The following PRSS12 variants were observed in gnomAD, a reference collection of about 807,000 sequenced individuals.
The protein encoded by PRSS12 is serine protease 12.
In PRSS12, 85 loss-of-function variants were observed where a neutral mutation model predicts 104.4. The ratio of observed to expected loss-of-function variants is 0.81; its 90% CI spans 0.68 to 0.98. The LOEUF (loss-of-function observed/expected upper bound fraction) is 0.98, where lower values mean the gene tolerates loss of function less well. Among genes scored for constraint, PRSS12 ranks in the 50% least tolerant of loss-of-function variants. PRSS12 has a pLI of 0.00. For synonymous variants in PRSS12, 454 were observed against 425.2 expected, an observed-to-expected ratio of 1.07 and a Z score of -0.83; for missense variants, 1,141 against 1,139.2, an observed-to-expected ratio of 1.00 and a Z score of -0.02.
At position 118,352,193 on chromosome 4, in the gene PRSS12, TCCGCGGCCGCC is replaced by T; in HGVS notation, c.502+15_502+25del. 1 of 1,610,042 alleles carries T rather than the reference TCCGCGGCCGCC, an allele frequency of 6.2e-7. No homozygotes were observed. On this transcript the variant is annotated intron_variant, in intron 1 of 12. Transcript: ENST00000296498. ...ACTGGCTCCGAGCCCGTCCGGAGTT[TCCGCGGCCGCC>T]CCGAGGCCACTAACCGTGTCTGCAG... is the stretch of plus-strand genomic sequence containing the variant.
chr4:118,352,130 A>C lies in PRSS12; in HGVS notation c.502+89T>G. 1.9e-6 allele frequency: 3 copies of C among 1,554,032 alleles called. No homozygotes were observed. The East Asian group carries it at 7.0e-5, about 36-fold the overall frequency. ...AGCCCACAACCCCACACACCCCGTCACTTTTTCCAAGAGACCTGTACGCCG... is the reference window on the plus strand; with the variant it reads ...AGCCCACAACCCCACACACCCCGTCCCTTTTTCCAAGAGACCTGTACGCCG... On this transcript the variant is annotated intron_variant, in intron 1 of 12. Coordinates refer to ENST00000296498, the MANE Select transcript of PRSS12 (RefSeq NM_003619.4).
At chr4:118,286,820 C>T (rs1392928278) in intron 11 of PRSS12, among the ~76,000 whole-genome samples, 2 of 152,134 alleles carry the variant, frequency 1.3e-5, no homozygotes, top group Non-Finnish European at 2.9e-5. Context: ...CACCGTCAGA[C>T]TTGGGAACCA....
At chr4:118,288,042 G>A (rs1158016750) in intron 11 of PRSS12, among the ~76,000 whole-genome samples, 1 of 152,118 alleles carries the variant, frequency 6.6e-6, no homozygotes, top group East Asian at 1.9e-4. Context: ...CAAATTACTA[G>A]AATTAAAAGT....
At chr4:118,305,223 A>T (rs1393924152) in intron 8 of PRSS12, among the ~76,000 whole-genome samples, 1 of 151,650 alleles carries the variant, frequency 6.6e-6, no homozygotes, top group Non-Finnish European at 1.5e-5. Flanking sequence ...ATATTCAAGT[A>T]TATTTAATCA....
intron 1 of PRSS12, among the ~76,000 whole-genome samples, chr4:118,344,525 G>C (rs1331436812): frequency 6.6e-6 from 1 of 152,082 alleles, no homozygotes; most frequent in Non-Finnish European, 1.5e-5. Flanking sequence ...AGGTCAAAAT[G>C]AATCAAATCA....
chr4:118,318,368 A>C lies in PRSS12; in HGVS notation c.1150+10T>G. 6.2e-7 allele frequency: 1 copy of C among 1,613,690 alleles called. No individual in the cohort carries two copies. ...CAAGAACTGGTACACTAATGGAGTG[A>C]AATCCTTACCTGTTAGAGGGGTACA... On this transcript the variant is annotated intron_variant, in intron 5 of 12. Coordinates refer to ENST00000296498, the MANE Select transcript of PRSS12 (RefSeq NM_003619.4).
chr4:118,348,001 G>A (rs999416867), intron 1 of PRSS12, among the ~76,000 whole-genome samples: 5 of 152,120 alleles, frequency 3.3e-5, no homozygotes, highest in Non-Finnish European at 7.4e-5. Flanking sequence ...AGGCCAAGGC[G>A]GGAGAATCAC....
chr4:118,321,155 T>C (rs982558714), intron 4 of PRSS12, among the ~76,000 whole-genome samples: 13 of 152,194 alleles, frequency 8.5e-5, no homozygotes, highest in Non-Finnish European at 1.5e-4. Flanking sequence ...ACAAATGATA[T>C]TGTCAAAATG....
intron 11 of PRSS12, among the ~76,000 whole-genome samples, chr4:118,288,269 C>T (rs1441975802): frequency 6.6e-6 from 1 of 152,146 alleles, no homozygotes; most frequent in East Asian, 1.9e-4. Flanking sequence ...TAGAATCTTG[C>T]GTTAGCCCTT....
At chr4:118,295,296 CCTAT>C (rs1267596707) in intron 10 of PRSS12, among the ~76,000 whole-genome samples, 1 of 152,156 alleles carries the variant, frequency 6.6e-6, no homozygotes, top group Non-Finnish European at 1.5e-5. Flanking sequence ...ATAGATCCCA[CCTAT>C]CTGACACTCT....
chr4:118,314,767 G>A (rs1023131136), intron 6 of PRSS12, among the ~76,000 whole-genome samples: 1 of 151,518 alleles, frequency 6.6e-6, no homozygotes, highest in Admixed American at 6.6e-5. Flanking sequence ...ATAGATTTGT[G>A]AAACAAAATA....
chr4:118,282,179 T>C lies in PRSS12; in HGVS notation c.2385A>G (p.Glu795=). 1.9e-6 allele frequency: 3 copies of C among 1,614,212 alleles called. No homozygotes were observed. Among genetic ancestry groups the C allele is most frequent in the Non-Finnish European group, 2.5e-6 (3 of 1,180,042 alleles). Residue 795 remains glutamate, a synonymous_variant, in exon 13 of 13, where the codon GAA becomes GAG. Coordinates refer to ENST00000296498, the MANE Select transcript of PRSS12 (RefSeq NM_003619.4). The part of the protein sequence containing the change: ...AIPLLPKRFC[E]ERYKGRFTGR... Reference sequence around the variant, plus strand: ...CTGTAAACCGACCCTTATAACGTTCTTCACAAAACCTTTTAGGAAGTAAGG... The same window carrying C: ...CTGTAAACCGACCCTTATAACGTTCCTCACAAAACCTTTTAGGAAGTAAGG...
At chr4:118,298,979 G>A (rs1174392014) in intron 8 of PRSS12, 41 bp from the exon 9 acceptor site, 1 of 1,590,966 alleles carries the variant, frequency 6.3e-7, no homozygotes, top group Admixed American at 1.7e-5. Flanking sequence ...GAATCAGTCA[G>A]TCATATATCT....
chr4:118,307,166 T>C (rs924858714), intron 8 of PRSS12, among the ~76,000 whole-genome samples: 5 of 152,140 alleles, frequency 3.3e-5, no homozygotes, highest in African/African-American at 1.2e-4. Context: ...TAATGTAGAC[T>C]CTCCCTACTT....
chr4:118,317,854 C>A (rs1044903774), intron 5 of PRSS12, among the ~76,000 whole-genome samples: 1 of 152,190 alleles, frequency 6.6e-6, no homozygotes, highest in Non-Finnish European at 1.5e-5. Context: ...AGTACATACA[C>A]GCACACCAGT....
intron 3 of PRSS12, 68 bp from the exon 4 acceptor site, chr4:118,331,934 T>G: frequency 6.3e-7 from 1 of 1,593,090 alleles, no homozygotes; most frequent in South Asian, 1.1e-5. Flanking sequence ...ATTAGGTATA[T>G]TCTATATTTT....
At chr4:118,294,899 T>C (rs3828500) in intron 11 of PRSS12, 40 bp downstream of exon 11, 480,573 of 1,611,324 alleles carry the variant, frequency 0.3, 74,518 homozygotes, top group East Asian at 0.57. Flanking sequence ...AACTGATGAA[T>C]AGAAGCTACA....
At chr4:118,317,165 A>G (rs1391440315) in intron 5 of PRSS12, among the ~76,000 whole-genome samples, 2 of 152,126 alleles carry the variant, frequency 1.3e-5, no homozygotes, top group Admixed American at 6.5e-5. Context: ...ATGAATTATA[A>G]AAACTGGAAG....
chr4:118,334,071 A>G (rs1428055605), intron 3 of PRSS12, among the ~76,000 whole-genome samples: 1 of 152,202 alleles, frequency 6.6e-6, no homozygotes, highest in Admixed American at 6.5e-5. Context: ...AGGGAAGTAT[A>G]CTAAAGATCT....
Sources: allele counts gnomAD v4.1 joint callset (sites outside exome capture counted in the v4.1 genomes callset), GRCh38; gene constraint gnomAD v4.1.1; transcripts MANE v1.5; gene names NCBI Gene and HGNC (gene_info 2026-07-23, HGNC 2026-07-21).